Variants in ROR1 observed in about 807,000 individuals in gnomAD.
ROR1 encodes ROR family WNT receptor 1.
A neutral mutation model predicts 78.8 loss-of-function variants in ROR1; 19 were observed. The observed-to-expected ratio is 0.24, with a 90% CI of 0.17 to 0.35. The LOEUF is 0.35. Among genes scored for constraint, ROR1 ranks in the 10% least tolerant of loss-of-function variants. The probability of loss-of-function intolerance (pLI) is 1.00; values close to 1 mark genes in which losing one functional copy is unlikely to be tolerated. For missense variants in ROR1, 917 were observed against 1,177.8 expected, an observed-to-expected ratio of 0.78 and a Z score of 3.24; for synonymous variants, 386 against 433.6, an observed-to-expected ratio of 0.89 and a Z score of 1.36.
At position 64,179,189 on chromosome 1, in the gene ROR1, G is replaced by C; in HGVS notation, c.*334G>C. 9.3e-6 allele frequency: 2 copies of C among 215,630 alleles called. No homozygotes were observed. Among genetic ancestry groups the C allele is most frequent in the African/African-American group, 4.7e-5 (2 of 42,870 alleles). 13.4% of individuals were successfully genotyped at this position (215,630 alleles called of 1,614,324 possible). On this transcript the variant is annotated 3_prime_UTR_variant, in exon 9 of 9. Coordinates refer to ENST00000371079, the MANE Select transcript of ROR1 (RefSeq NM_005012.4). ...CTTGTGATTAAATATAAAACCAAAA[G>C]TCAAATGGTGCTTTGTGTTTTAGCC...
chr1:63,950,681 G>T (rs1285717536), intron 1 of ROR1, among the ~76,000 whole-genome samples: 1 of 152,182 alleles, frequency 6.6e-6, no homozygotes, highest in Non-Finnish European at 1.5e-5. Flanking sequence ...AGTCACTCTG[G>T]TTCCAAGGCC....
intron 1 of ROR1, among the ~76,000 whole-genome samples, chr1:63,928,446 C>T (rs113842136): frequency 2.0e-5 from 3 of 152,172 alleles, no homozygotes; most frequent in Non-Finnish European, 2.9e-5. Flanking sequence ...TTACAGCAGG[C>T]GTGGCAGAAG....
At chr1:63,983,433 C>T (rs285347) in intron 1 of ROR1, among the ~76,000 whole-genome samples, 102,775 of 152,094 alleles carry the variant, frequency 0.68, 38,635 homozygotes, top group East Asian at 0.94. Context: ...ATAGGGGAAG[C>T]GGGACCCCTC....
At chr1:63,968,913 G>A (rs1646097017) in intron 1 of ROR1, among the ~76,000 whole-genome samples, 1 of 152,176 alleles carries the variant, frequency 6.6e-6, no homozygotes, top group Admixed American at 6.5e-5. Context: ...ATAATAAAAT[G>A]AATGAATTTA....
chr1:64,098,280 C>A (rs570899453), intron 4 of ROR1, among the ~76,000 whole-genome samples: 1 of 152,094 alleles, frequency 6.6e-6, no homozygotes, highest in Non-Finnish European at 1.5e-5. Flanking sequence ...AGGTAGGCTC[C>A]CTGCCAACTC....
intron 7 of ROR1, among the ~76,000 whole-genome samples, chr1:64,148,774 G>C (rs948686611): frequency 1.3e-5 from 2 of 152,092 alleles, no homozygotes; most frequent in Non-Finnish European, 2.9e-5. Context: ...CATATGCCCA[G>C]ACAGTGCTTA....
At chr1:63,931,301 A>C (rs1645750779) in intron 1 of ROR1, among the ~76,000 whole-genome samples, 1 of 152,200 alleles carries the variant, frequency 6.6e-6, no homozygotes, top group South Asian at 2.1e-4. Context: ...AGTAAAATAA[A>C]GTAAATCACA....
At chr1:64,085,671 G>A (rs548703283) in intron 4 of ROR1, among the ~76,000 whole-genome samples, 21 of 152,284 alleles carry the variant, frequency 1.4e-4, no homozygotes, top group Admixed American at 7.2e-4. Context: ...AGCAAGGAGG[G>A]CAGACCTGGA....
chr1:64,100,101 G>T (rs1247200818), intron 4 of ROR1, among the ~76,000 whole-genome samples: 2 of 151,798 alleles, frequency 1.3e-5, no homozygotes, highest in Non-Finnish European at 2.9e-5. Context: ...TTAAAATTTT[G>T]GAAAAATTTA....
At chr1:64,146,096 G>A (rs1649465493) in intron 7 of ROR1, among the ~76,000 whole-genome samples, 1 of 152,154 alleles carries the variant, frequency 6.6e-6, no homozygotes, top group South Asian at 2.1e-4. Flanking sequence ...TAACTCCTGG[G>A]CCCAATAAAT....
intron 1 of ROR1, among the ~76,000 whole-genome samples, chr1:63,927,726 GCC>G (rs1645716860): frequency 6.6e-6 from 1 of 152,058 alleles, no homozygotes; most frequent in Admixed American, 6.5e-5. Context: ...ATGACTCAAA[GCC>G]CCATCCCTTT....
chr1:64,141,680 G>A (rs1451678642), intron 6 of ROR1, among the ~76,000 whole-genome samples: 5 of 152,048 alleles, frequency 3.3e-5, no homozygotes, highest in African/African-American at 7.2e-5. Context: ...TAATCTCACC[G>A]GCAATTTTTC....
chr1:64,089,222 T>C (rs1647176499), intron 4 of ROR1, among the ~76,000 whole-genome samples: 1 of 152,100 alleles, frequency 6.6e-6, no homozygotes, highest in Admixed American at 6.6e-5. Context: ...CAGTATTTTT[T>C]TTTTTGAGAC....
chr1:63,949,422 G>A (rs1044196194), intron 1 of ROR1, among the ~76,000 whole-genome samples: 3 of 152,168 alleles, frequency 2.0e-5, no homozygotes, highest in Non-Finnish European at 4.4e-5. Context: ...GGATAGGCAG[G>A]AGAACAGCCA....
chr1:64,097,545 A>C (rs1489139753), intron 4 of ROR1, among the ~76,000 whole-genome samples: 1 of 143,180 alleles, frequency 7.0e-6, no homozygotes, highest in African/African-American at 2.7e-5. Flanking sequence ...TGCATTTTTG[A>C]AATACATACA....
chr1:63,814,245 A>G (rs1557509516), intron 1 of ROR1, among the ~76,000 whole-genome samples: 1 of 152,164 alleles, frequency 6.6e-6, no homozygotes, highest in Non-Finnish European at 1.5e-5. Context: ...CGTTCATCAA[A>G]ATCTCAGACT....
intron 1 of ROR1, among the ~76,000 whole-genome samples, chr1:63,866,678 T>C (rs1645217324): frequency 6.6e-6 from 1 of 152,218 alleles, no homozygotes; most frequent in Admixed American, 6.5e-5. Flanking sequence ...AAAAAAAGTA[T>C]CTTTCATTAG....
chr1:64,166,433 A>C (rs1037465870), intron 8 of ROR1, among the ~76,000 whole-genome samples: 4 of 152,208 alleles, frequency 2.6e-5, no homozygotes, highest in Non-Finnish European at 5.9e-5. Context: ...TTTAATCTGT[A>C]AATTGCTTTG....
At chr1:63,819,334 A>G (rs1644911107) in intron 1 of ROR1, among the ~76,000 whole-genome samples, 1 of 152,178 alleles carries the variant, frequency 6.6e-6, no homozygotes, top group Admixed American at 6.5e-5. Flanking sequence ...TGGTTTCTGC[A>G]GGCACTGACT....
Sources: gnomAD v4.1 joint callset for allele counts (sites outside exome capture counted in the v4.1 genomes callset) on GRCh38, gnomAD v4.1.1 for gene constraint, MANE v1.5 for transcripts, NCBI Gene and HGNC (gene_info 2026-07-23, HGNC 2026-07-21) for gene names.